UBAP1L: variants seen among roughly 807,000 people sequenced by gnomAD.
UBAP1L encodes ubiquitin associated protein 1 like, also known as ubiquitin-associated protein 1-like.
A neutral mutation model predicts 32.1 loss-of-function variants in UBAP1L; 32 were observed. The ratio of observed to expected loss-of-function variants is 1.00; its 90% CI spans 0.75 to 1.34. UBAP1L has a LOEUF of 1.34. Among genes scored for constraint, UBAP1L ranks in the 40% most tolerant of loss-of-function variants. UBAP1L has a pLI of 0.00. For missense variants in UBAP1L, 516 were observed against 540.5 expected (o/e 0.95, Z 0.45); for synonymous variants, 243 against 250.2 (o/e 0.97, Z 0.27).
intron 1 of UBAP1L, among the ~76,000 whole-genome samples, chr15:65,114,637 C>T (rs2087391411): frequency 6.6e-6 from 1 of 152,184 alleles, no homozygotes; most frequent in African/African-American, 2.4e-5. Flanking sequence ...CCCCTTCTTA[C>T]ATCCCTAGCA....
chr15:65,106,077 AAC>A lies in UBAP1L; in HGVS notation c.120+17_120+18del. 2 of 1,550,822 alleles carry A rather than the reference AAC, an allele frequency of 1.3e-6. No homozygotes were observed. The highest frequency in any genetic ancestry group is 1.7e-6 in the Non-Finnish European group (2 of 1,146,800). The stretch of plus-strand genomic sequence containing the variant: ...CAGACCCACAGACCCAGAAGACAGA[AAC>A]ACAGAGACACACTTACCATAGAACC... On this transcript the variant is annotated intron_variant, in intron 2 of 5. Coordinates refer to ENST00000559089, the MANE Select transcript of UBAP1L (RefSeq NM_001163692.2).
intron 2 of UBAP1L, chr15:65,105,139 G>A (rs898765858): frequency 3.6e-5 from 7 of 192,964 alleles, no homozygotes; most frequent in South Asian, 1.6e-4. Flanking sequence ...TGTTCATGCC[G>A]CTGCACTCCA....
intron 1 of UBAP1L, among the ~76,000 whole-genome samples, chr15:65,109,539 TAAAACA>T (rs1382742823): frequency 6.9e-6 from 1 of 144,572 alleles, no homozygotes; most frequent in Non-Finnish European, 1.5e-5. Context: ...TTAAGAGAGT[TAAAACA>T]AAAACAAAAA....
intron 4 of UBAP1L, 189 bp downstream of exon 4, chr15:65,099,316 G>A (rs1336720270): frequency 5.0e-6 from 3 of 605,602 alleles, no homozygotes; most frequent in Non-Finnish European, 8.7e-6. Context: ...ACTGATTGAG[G>A]CAGGGGTATA....
In UBAP1L at chr15:65,102,452, C is replaced by T; in HGVS notation, c.353G>A (p.Gly118Asp). 1 of 1,424,210 alleles carries T rather than the reference C, an allele frequency of 7.0e-7. No individual in the cohort carries two copies. The highest frequency in any genetic ancestry group is 9.2e-7 in the Non-Finnish European group (1 of 1,089,566). The allele number at this position is 1,424,210 out of a possible 1,614,324, so 88.2% of individuals were successfully genotyped here. Residue 118 changes from glycine to aspartate, a missense_variant, in exon 3 of 6, where the codon GGC (glycine) becomes GAC (aspartate). Transcript: ENST00000559089. The surrounding 1 kb of genome is among the most constrained non-coding windows in gnomAD (Gnocchi z 5.0). ...EGEDEAEASS[G>D]SEEEPAPSSL... Reference sequence around the variant, plus strand: ...GCTGGGGGCCGGCTCTTCCTCGCTGCCAGAGGAGGCTTCTGCCTCGTCCTC... The same window carrying T: ...GCTGGGGGCCGGCTCTTCCTCGCTGTCAGAGGAGGCTTCTGCCTCGTCCTC...
At position 65,104,356 on chromosome 15, in the gene UBAP1L, AAAAG is replaced by A. The variant is rs1455291240; in HGVS notation, c.121-1676_121-1673del. On this transcript the variant is annotated intron_variant, in intron 2 of 5. Transcript: ENST00000559089. ...GAAGAGAAGAAAAGAAAAGAAAAGA[AAAAG>A]AAAAAGAAAAGCCAGAAACTCTGGA... Among the ~76,000 whole-genome samples, 10 of 150,978 alleles carry A rather than the reference AAAAG, an allele frequency of 6.6e-5. No homozygotes were observed. In the Admixed American group the frequency reaches 6.7e-4, roughly 10 times the overall value.
intron 1 of UBAP1L, among the ~76,000 whole-genome samples, chr15:65,111,150 TACAG>T (rs1224203427): frequency 6.6e-6 from 1 of 152,240 alleles, no homozygotes; most frequent in Non-Finnish European, 1.5e-5. Flanking sequence ...CTACCTTCCA[TACAG>T]AATCAGGAAG....
chr15:65,103,757 G>T (rs1007775697), intron 2 of UBAP1L, among the ~76,000 whole-genome samples: 2 of 152,172 alleles, frequency 1.3e-5, no homozygotes, highest in African/African-American at 4.8e-5. Context: ...AGAATAAATG[G>T]TTAGAGAAAG....
At position 65,102,354 on chromosome 15, in the gene UBAP1L, C is replaced by A; in HGVS notation, c.451G>T (p.Val151Leu). ...RLCSLDVLRGVRLELAGARRR... is the reference protein window; with the variant it reads ...RLCSLDVLRGLRLELAGARRR... ...CGCGCCCCTGCCAGCTCCAACCGCACGCCGCGTAGCACGTCCAGCGAGCAC... is the reference window on the plus strand; with the variant it reads ...CGCGCCCCTGCCAGCTCCAACCGCAAGCCGCGTAGCACGTCCAGCGAGCAC... The change falls in exon 3 of 6, where the codon GTG becomes TTG. Residue 151 changes from valine to leucine, a missense_variant. Physicochemically the swap from Val to Leu is conservative, Grantham distance 32 (BLOSUM62 1). Coordinates refer to ENST00000559089, the MANE Select transcript of UBAP1L (RefSeq NM_001163692.2). The surrounding 1 kb of genome is among the most constrained non-coding windows in gnomAD (Gnocchi z 5.0). The A allele has an allele frequency of 6.8e-7, 1 of 1,472,762 alleles. No individual in the cohort carries two copies. Among genetic ancestry groups the A allele is most frequent in the South Asian group, 1.3e-5 (1 of 77,214 alleles). 91.2% of individuals were successfully genotyped at this position (1,472,762 alleles called of 1,614,324 possible).
chr15:65,102,283 G>A lies in UBAP1L; in HGVS notation c.522C>T (p.Leu174=). 7.3e-7 allele frequency: 1 copy of A among 1,370,754 alleles called. No homozygotes were observed. Among genetic ancestry groups the A allele is most frequent in the Non-Finnish European group, 9.3e-7 (1 of 1,070,136 alleles). 84.9% of individuals were successfully genotyped at this position (1,370,754 alleles called of 1,614,324 possible). A position where few individuals can be genotyped will look rare whatever the true frequency, so the allele number is the denominator to read the frequency against. The change falls in exon 3 of 6, where the codon CTC becomes CTT. Residue 174 remains leucine (L), a synonymous_variant. Coordinates refer to ENST00000559089, the MANE Select transcript of UBAP1L (RefSeq NM_001163692.2). This position sits in a 1 kb window ranked among gnomAD's most constrained non-coding sequence, Gnocchi z 5.0. ...EGKLVSRPRA[L]LHGLRGHRAL... is the part of the protein sequence containing the mutation. ...CGCGGTGGCCGCGGAGGCCATGCAGGAGGGCGCGGGGCCGGGAGACCAGCT... is the reference window on the plus strand; with the variant it reads ...CGCGGTGGCCGCGGAGGCCATGCAGAAGGGCGCGGGGCCGGGAGACCAGCT...
At chr15:65,106,042 G>A in intron 2 of UBAP1L, 54 bp downstream of exon 2, 1 of 1,543,768 alleles carries the variant, frequency 6.5e-7, no homozygotes, top group Admixed American at 2.1e-5. Flanking sequence ...AGGCCCCATG[G>A]ACTCAGCCCC....
chr15:65,094,426 A>C lies in UBAP1L; in HGVS notation c.1011+49T>G. On this transcript the variant is annotated intron_variant, in intron 5 of 5. Coordinates refer to ENST00000559089, the MANE Select transcript of UBAP1L (RefSeq NM_001163692.2). The surrounding 1 kb of genome is among the most constrained non-coding windows in gnomAD (Gnocchi z 4.2). ...CCCTGCACACCGGGCTCCTGGGTAC[A>C]CCCCCATCCCTTCCATCCCCTGGGG... The C allele has an allele frequency of 7.2e-7, 1 of 1,396,988 alleles. No individual in the cohort carries two copies. Among genetic ancestry groups the C allele is most frequent in the Non-Finnish European group, 9.8e-7 (1 of 1,022,326 alleles). 86.5% of individuals were successfully genotyped at this position (1,396,988 alleles called of 1,614,324 possible). A position where few individuals can be genotyped will look rare whatever the true frequency, so the allele number is the denominator to read the frequency against.
intron 4 of UBAP1L, chr15:65,098,868 A>T (rs1413120801): frequency 6.6e-6 from 1 of 152,224 alleles, no homozygotes; most frequent in Non-Finnish European, 1.5e-5. Flanking sequence ...AGTTTGTTAC[A>T]CAGAAAGAGA....
At chr15:65,112,715 C>T (rs78840123) in intron 1 of UBAP1L, among the ~76,000 whole-genome samples, 1 of 152,150 alleles carries the variant, frequency 6.6e-6, no homozygotes, top group Non-Finnish European at 1.5e-5. Context: ...CAACTGCCTA[C>T]ACAGTGTCTC....
chr15:65,111,480 T>C (rs1228867992), intron 1 of UBAP1L, among the ~76,000 whole-genome samples: 2 of 152,106 alleles, frequency 1.3e-5, no homozygotes, highest in Non-Finnish European at 2.9e-5. Flanking sequence ...TTGGGGAACA[T>C]ATCTATTTTT....
chr15:65,102,711 C>T lies in UBAP1L; in HGVS notation c.121-27G>A. 1 of 1,537,216 alleles carries T rather than the reference C, an allele frequency of 6.5e-7. No homozygotes were observed. Among genetic ancestry groups the T allele is most frequent in the East Asian group, 2.5e-5 (1 of 40,686 alleles). ...TGCGGAAAGAAGGCGACGTAAAGCC[C>T]AGGGCAAACCAGGACCCCGGGGGCA... is the stretch of plus-strand genomic sequence containing the variant. On this transcript the variant is annotated intron_variant, in intron 2 of 5. Transcript: ENST00000559089. This position sits in a 1 kb window ranked among gnomAD's most constrained non-coding sequence, Gnocchi z 5.0.
At chr15:65,108,699 A>T (rs539026620) in intron 1 of UBAP1L, among the ~76,000 whole-genome samples, 82 of 152,082 alleles carry the variant, frequency 5.4e-4, no homozygotes, top group Non-Finnish European at 1.1e-3. Context: ...AAGATGAGTG[A>T]GCTGTGAGCC....
chr15:65,094,396 T>G lies in UBAP1L; in HGVS notation c.1011+79A>C. 3.0e-6 allele frequency: 3 copies of G among 995,070 alleles called. No homozygotes were observed. Among genetic ancestry groups the G allele is most frequent in the Non-Finnish European group, 4.5e-6 (3 of 673,614 alleles). 61.6% of individuals were successfully genotyped at this position (995,070 alleles called of 1,614,324 possible). On this transcript the variant is annotated intron_variant, in intron 5 of 5. Coordinates refer to ENST00000559089, the MANE Select transcript of UBAP1L (RefSeq NM_001163692.2). This position sits in a 1 kb window ranked among gnomAD's most constrained non-coding sequence, Gnocchi z 4.2. ...CCCACAGACTGGCTCTGAGGACTGG[T>G]GTGGCCCTGCACACCGGGCTCCTGG...
At chr15:65,103,754 A>G (rs1360676330) in intron 2 of UBAP1L, among the ~76,000 whole-genome samples, 1 of 152,198 alleles carries the variant, frequency 6.6e-6, no homozygotes, top group South Asian at 2.1e-4. Flanking sequence ...TGCAGAATAA[A>G]TGGTTAGAGA....
Sources: gnomAD v4.1 joint callset for allele counts (sites outside exome capture counted in the v4.1 genomes callset) on GRCh38, gnomAD v4.1.1 for gene constraint, Gnocchi (gnomAD v3.1) non-coding constraint, MANE v1.5 for transcripts, NCBI Gene and HGNC (gene_info 2026-07-23, HGNC 2026-07-21) for gene names.